Variants in TBC1D5 observed in about 807,000 individuals in gnomAD.
TBC1D5 encodes TBC1 domain family member 5.
In TBC1D5, 75 loss-of-function variants were observed where a neutral mutation model predicts 100.3. The ratio of observed to expected loss-of-function variants is 0.75; its 90% CI spans 0.62 to 0.91. The LOEUF (loss-of-function observed/expected upper bound fraction) is 0.91. Ranked by LOEUF, TBC1D5 falls within the 40% of genes least tolerant of loss-of-function variation. TBC1D5 has a pLI of 0.00. For missense variants in TBC1D5, 910 were observed against 942.4 expected (o/e 0.97, Z 0.45); for synonymous variants, 323 against 325.6 (o/e 0.99, Z 0.09).
intron 4 of TBC1D5, among the ~76,000 whole-genome samples, chr3:17,417,349 A>G (rs1376122142): frequency 1.2e-5 from 1 of 85,646 alleles, no homozygotes; most frequent in East Asian, 4.8e-4. Flanking sequence ...CCCTCCCCCT[A>G]CCCCACAACA....
chr3:17,304,510 T>C (rs374943429), intron 14 of TBC1D5, among the ~76,000 whole-genome samples: 15 of 152,244 alleles, frequency 9.9e-5, no homozygotes, highest in African/African-American at 2.9e-4. Context: ...TGGACTAAAA[T>C]GATTCTCCCA....
intron 3 of TBC1D5, among the ~76,000 whole-genome samples, chr3:17,458,964 C>A (rs1406783954): frequency 6.6e-6 from 1 of 152,158 alleles, no homozygotes; most frequent in East Asian, 1.9e-4. Context: ...CGTAGCCATA[C>A]AAAACCCCCG....
intron 13 of TBC1D5, among the ~76,000 whole-genome samples, chr3:17,352,016 C>A (rs1288931741): frequency 1.3e-5 from 2 of 148,194 alleles, no homozygotes; most frequent in South Asian, 4.2e-4. Flanking sequence ...AAAAAAAAAA[C>A]CACACACACA....
At chr3:17,201,666 G>T (rs558231579) in intron 18 of TBC1D5, among the ~76,000 whole-genome samples, 31 of 152,236 alleles carry the variant, frequency 2.0e-4, no homozygotes, top group Non-Finnish European at 4.3e-4. Context: ...TGCTGTTATT[G>T]TGATGGGTTC....
At chr3:17,280,398 T>G (rs1328693909) in intron 15 of TBC1D5, among the ~76,000 whole-genome samples, 1 of 152,144 alleles carries the variant, frequency 6.6e-6, no homozygotes, top group East Asian at 1.9e-4. Context: ...GTTTTCCCGC[T>G]GGAAAGTTGC....
intron 1 of TBC1D5, among the ~76,000 whole-genome samples, chr3:17,729,224 A>C (rs2076362650): frequency 6.6e-6 from 1 of 151,970 alleles, no homozygotes; most frequent in African/African-American, 2.4e-5. Context: ...TTATCTTTCT[A>C]TAAGGCAGTT....
chr3:17,537,551 T>G (rs537856729), intron 2 of TBC1D5, among the ~76,000 whole-genome samples: 12 of 152,308 alleles, frequency 7.9e-5, no homozygotes, highest in African/African-American at 2.9e-4. Flanking sequence ...CTGTATGCAT[T>G]AAATATACTT....
At chr3:17,701,838 G>C (rs189698168) in intron 1 of TBC1D5, among the ~76,000 whole-genome samples, 103 of 151,482 alleles carry the variant, frequency 6.8e-4, no homozygotes, top group African/African-American at 2.4e-3. Flanking sequence ...TCCCTGACCA[G>C]ACTAGCTTTT....
chr3:17,571,997 A>T (rs1388928104), intron 2 of TBC1D5, among the ~76,000 whole-genome samples: 1 of 151,972 alleles, frequency 6.6e-6, no homozygotes, highest in Non-Finnish European at 1.5e-5. Flanking sequence ...TCTAATAAGC[A>T]AAATTTGCTC....
intron 13 of TBC1D5, among the ~76,000 whole-genome samples, chr3:17,349,898 T>C (rs2090348847): frequency 6.6e-6 from 1 of 152,144 alleles, no homozygotes; most frequent in South Asian, 2.1e-4. Context: ...CACAGATCCA[T>C]GGTTTATATG....
At chr3:17,294,661 A>C (rs1033210874) in intron 14 of TBC1D5, among the ~76,000 whole-genome samples, 3 of 152,220 alleles carry the variant, frequency 2.0e-5, no homozygotes, top group Non-Finnish European at 4.4e-5. Flanking sequence ...CACTGCATGC[A>C]ATGAGCATTT....
chr3:17,357,341 G>A (rs1159425146), intron 13 of TBC1D5, among the ~76,000 whole-genome samples: 1 of 152,200 alleles, frequency 6.6e-6, no homozygotes. Flanking sequence ...AGGATAATTA[G>A]ATAACTAATC....
intron 14 of TBC1D5, among the ~76,000 whole-genome samples, chr3:17,304,511 G>C (rs887333788): frequency 1.3e-5 from 2 of 152,090 alleles, no homozygotes; most frequent in Admixed American, 1.3e-4. Flanking sequence ...GGACTAAAAT[G>C]ATTCTCCCAC....
chr3:17,393,143 C>T (rs2093405376), intron 8 of TBC1D5, among the ~76,000 whole-genome samples: 1 of 151,422 alleles, frequency 6.6e-6, no homozygotes, highest in Admixed American at 6.6e-5. Flanking sequence ...TGTTTGTTGG[C>T]CGCATAAATG....
At chr3:17,712,156 T>C (rs888147094) in intron 1 of TBC1D5, among the ~76,000 whole-genome samples, 9 of 152,156 alleles carry the variant, frequency 5.9e-5, no homozygotes, top group African/African-American at 2.2e-4. Context: ...CTTCTCTCGG[T>C]GAAATCATTA....
rs145385230 is a variant in TBC1D5 at position 17,320,333 on chromosome 3, C to A, written c.996-12199G>T. Among the ~76,000 whole-genome samples, 430 of 152,274 alleles carry A rather than the reference C, an allele frequency of 2.8e-3. 1 individual carries two copies. The highest frequency in any genetic ancestry group is 0.014 in the Middle Eastern group (4 of 294). ...TTGTTCAAACTGCAAATTCTTGAACCCCACTCACTCATACCTACTAAATCA... is the reference window on the plus strand; with the variant it reads ...TTGTTCAAACTGCAAATTCTTGAACACCACTCACTCATACCTACTAAATCA... On this transcript the variant is annotated intron_variant, in intron 13 of 21. Transcript: ENST00000253692.
At chr3:17,164,706 G>T (rs775467461) in intron 21 of TBC1D5, among the ~76,000 whole-genome samples, 34 of 152,186 alleles carry the variant, frequency 2.2e-4, no homozygotes, top group Non-Finnish European at 4.7e-4. Flanking sequence ...AAGAAGGTGG[G>T]TACCTGGCAG....
At chr3:17,326,939 G>A (rs1028105843) in intron 13 of TBC1D5, among the ~76,000 whole-genome samples, 5 of 152,100 alleles carry the variant, frequency 3.3e-5, no homozygotes, top group African/African-American at 4.8e-5. Context: ...CATACCCTAC[G>A]TTTAATTCAT....
chr3:17,208,461 T>G (rs148461184), intron 18 of TBC1D5, among the ~76,000 whole-genome samples: 6 of 152,398 alleles, frequency 3.9e-5, no homozygotes, highest in Non-Finnish European at 5.9e-5. Flanking sequence ...TCCGATTAAG[T>G]GCCCAGAATG....
Sources: allele counts gnomAD v4.1 joint callset (sites outside exome capture counted in the v4.1 genomes callset), GRCh38; gene constraint gnomAD v4.1.1; transcripts MANE v1.5; gene names NCBI Gene and HGNC (gene_info 2026-07-23, HGNC 2026-07-21).